MID1: variants seen among roughly 807,000 people sequenced by gnomAD.
MID1 encodes midline 1, also known as E3 ubiquitin-protein ligase Midline-1.
MID1 carries 7 observed loss-of-function variants against 40.4 expected under a neutral mutation model. The observed-to-expected ratio is 0.17, with a 90% CI of 0.10 to 0.33. The LOEUF (loss-of-function observed/expected upper bound fraction) is 0.33, where lower values mean the gene tolerates loss of function less well. Among genes scored for constraint, MID1 ranks in the 10% least tolerant of loss-of-function variants. The pLI, the probability that MID1 is intolerant of heterozygous loss-of-function variation, is 1.00. For synonymous variants in MID1, 229 were observed against 221.2 expected (o/e 1.04, Z -0.31); for missense variants, 367 against 558.5 (o/e 0.66, Z 3.46).
At chrX:10,455,337 G>T (rs776641720) in intron 8 of MID1, among the ~76,000 whole-genome samples, 11 of 111,974 alleles carry the variant, frequency 9.8e-5, no homozygotes, top group African/African-American at 3.6e-4. Context: ...GTATAGTACA[G>T]TACACAGTAA....
At chrX:10,690,899 T>C (rs775146104) in intron 1 of MID1, among the ~76,000 whole-genome samples, 14 of 112,152 alleles carry the variant, frequency 1.2e-4, no homozygotes, top group African/African-American at 4.5e-4. Context: ...AGTTACACTT[T>C]TGTGTTGTTA....
chrX:10,778,898 G>A (rs950658648), intron 1 of MID1, among the ~76,000 whole-genome samples: 7 of 113,509 alleles, frequency 6.2e-5, no homozygotes, highest in South Asian at 7.1e-4. Context: ...TAATACAAGA[G>A]CAAACAGAGA....
intron 1 of MID1, among the ~76,000 whole-genome samples, chrX:10,673,486 T>C: frequency 8.9e-6 from 1 of 112,162 alleles, no homozygotes; most frequent in Admixed American, 9.5e-5. Context: ...TAATATGATG[T>C]TTCTACCTTG....
chrX:10,773,175 G>A (rs1201227292), intron 1 of MID1, among the ~76,000 whole-genome samples: 2 of 112,038 alleles, frequency 1.8e-5, no homozygotes, highest in African/African-American at 6.5e-5. Context: ...TAAATAGATT[G>A]TATAGGAAAT....
intron 2 of MID1, among the ~76,000 whole-genome samples, chrX:10,561,981 C>T (rs1329097171): frequency 2.8e-5 from 3 of 106,920 alleles, no homozygotes; most frequent in African/African-American, 1.1e-4. Flanking sequence ...AAATGCCCAC[C>T]AATGATAGAC....
intron 2 of MID1, among the ~76,000 whole-genome samples, chrX:10,526,421 T>C (rs370533704): frequency 8.9e-6 from 1 of 111,936 alleles, no homozygotes; most frequent in East Asian, 2.8e-4. Flanking sequence ...CATTCTTCAA[T>C]GTCCTTGATA....
intron 7 of MID1, among the ~76,000 whole-genome samples, chrX:10,465,210 TATATACACACACAC>T (rs1176778385): frequency 4.0e-4 from 25 of 62,043 alleles, no homozygotes; most frequent in African/African-American, 2.2e-3. Flanking sequence ...TATATATATA[TATATACACACACAC>T]ACACACACAC....
intron 1 of MID1, among the ~76,000 whole-genome samples, chrX:10,630,542 C>G (rs372711648): frequency 2.4e-3 from 245 of 100,325 alleles, no homozygotes; most frequent in African/African-American, 8.0e-3. Context: ...GTGCGGGGGG[C>G]GGGGGCAGTG....
chrX:10,586,505 C>G (rs1935145502), intron 1 of MID1, among the ~76,000 whole-genome samples: 1 of 112,134 alleles, frequency 8.9e-6, no homozygotes, highest in Non-Finnish European at 1.9e-5. Flanking sequence ...TTATGTTTAA[C>G]TGGGCTCTCT....
intron 1 of MID1, among the ~76,000 whole-genome samples, chrX:10,580,015 C>G (rs1338035974): frequency 1.8e-5 from 2 of 110,632 alleles, no homozygotes; most frequent in Non-Finnish European, 3.8e-5. Context: ...CAAAAATACT[C>G]TTAACAGATT....
chrX:10,622,218 G>T (rs146547224), upstream of MID1, among the ~76,000 whole-genome samples: 2,889 of 110,337 alleles, frequency 0.026, 46 homozygotes, highest in African/African-American at 0.057. Flanking sequence ...GTCTATCCCA[G>T]CCCTAGGTAT....
intron 1 of MID1, among the ~76,000 whole-genome samples, chrX:10,644,441 T>G (rs1002967058): frequency 4.5e-5 from 5 of 110,642 alleles, no homozygotes; most frequent in African/African-American, 1.6e-4. Flanking sequence ...AACCCTGTCT[T>G]TATTGGTTCC....
At chrX:10,581,213 C>A (rs1935010189) in intron 1 of MID1, among the ~76,000 whole-genome samples, 1 of 111,515 alleles carries the variant, frequency 9.0e-6, no homozygotes, top group Non-Finnish European at 1.9e-5. Flanking sequence ...TGCGCCACTG[C>A]ACTCCAGCCT....
chrX:10,596,167 C>G (rs1020900306), intron 1 of MID1, among the ~76,000 whole-genome samples: 3 of 111,861 alleles, frequency 2.7e-5, no homozygotes, highest in Non-Finnish European at 5.6e-5. Context: ...AGGAGCTATT[C>G]AGAAATTTCA....
intron 1 of MID1, among the ~76,000 whole-genome samples, chrX:10,755,124 T>C (rs776728099): frequency 3.6e-5 from 4 of 111,712 alleles, no homozygotes; most frequent in Non-Finnish European, 7.5e-5. Context: ...TGGACTGTGG[T>C]TGAAGTTTGT....
At chrX:10,533,382 G>GAA (rs1287600445) in intron 2 of MID1, among the ~76,000 whole-genome samples, 2,384 of 30,826 alleles carry the variant, frequency 0.077, 35 homozygotes, top group East Asian at 0.14. Context: ...GAAAGAAAAA[G>GAA]AAAGAAAGAA....
intron 3 of MID1, among the ~76,000 whole-genome samples, chrX:10,504,680 G>A (rs1931735813): frequency 9.0e-6 from 1 of 111,096 alleles, no homozygotes; most frequent in Admixed American, 9.6e-5. Flanking sequence ...GTTCCTTGAA[G>A]GCTGCCTCCT....
At chrX:10,472,252 T>C (rs1929751330) in intron 6 of MID1, among the ~76,000 whole-genome samples, 1 of 112,375 alleles carries the variant, frequency 8.9e-6, no homozygotes, top group African/African-American at 3.2e-5. Flanking sequence ...AGGATCGATG[T>C]TATGTCTAGA....
chrX:10,478,796 G>A (rs913344910), intron 5 of MID1, among the ~76,000 whole-genome samples: 6 of 112,212 alleles, frequency 5.3e-5, no homozygotes, highest in Admixed American at 4.7e-4. Context: ...GTCGCTTAAC[G>A]ATGCAGAAAA....
Sources: gnomAD v4.1 joint callset for allele counts (sites outside exome capture counted in the v4.1 genomes callset) on GRCh38, gnomAD v4.1.1 for gene constraint, MANE v1.5 for transcripts, NCBI Gene and HGNC (gene_info 2026-07-23, HGNC 2026-07-21) for gene names.